CSDE1: variants seen among roughly 807,000 people sequenced by gnomAD.
CSDE1 encodes cold shock domain-containing protein E1.
In CSDE1, 17 loss-of-function variants were observed where a neutral mutation model predicts 89.3. That is an observed-to-expected ratio of 0.19 (90% CI 0.13 to 0.29). CSDE1 has a LOEUF of 0.29. Ranked by LOEUF, CSDE1 falls within the 10% of genes least tolerant of loss-of-function variation. The probability of loss-of-function intolerance (pLI) is 1.00; values close to 1 mark genes in which losing one functional copy is unlikely to be tolerated. For synonymous variants in CSDE1, 322 were observed against 332.8 expected (o/e 0.97, Z 0.35); for missense variants, 672 against 984.2 (o/e 0.68, Z 4.24).
chr1:114,754,253 A>C (rs532397695), intron 1 of CSDE1, among the ~76,000 whole-genome samples: 2 of 152,080 alleles, frequency 1.3e-5, no homozygotes, highest in Non-Finnish European at 2.9e-5. Context: ...TCAGCCCCCC[A>C]AAGTGCTGGG....
intron 3 of CSDE1, among the ~76,000 whole-genome samples, chr1:114,738,498 A>G (rs1019316016): frequency 3.9e-5 from 6 of 152,028 alleles, no homozygotes; most frequent in Admixed American, 6.6e-5. Flanking sequence ...TAAAAGGAGA[A>G]TAATTCCTAA....
chr1:114,734,945 G>A (rs183987698), intron 6 of CSDE1, among the ~76,000 whole-genome samples: 5 of 152,254 alleles, frequency 3.3e-5, no homozygotes, highest in South Asian at 4.2e-4. Context: ...TATAATCTGC[G>A]GCAAAGTAAG....
chr1:114,735,267 G>T (rs1451713771), intron 6 of CSDE1, among the ~76,000 whole-genome samples: 2 of 152,098 alleles, frequency 1.3e-5, no homozygotes, highest in Non-Finnish European at 2.9e-5. Flanking sequence ...AATGTTTTAA[G>T]AAAAGACCTA....
At chr1:114,730,853 C>G (rs1409713693) in intron 10 of CSDE1, among the ~76,000 whole-genome samples, 2 of 152,228 alleles carry the variant, frequency 1.3e-5, no homozygotes, top group East Asian at 3.8e-4. Context: ...CTAAGACTCT[C>G]CAATTGCTAC....
In CSDE1 at chr1:114,718,716, C is replaced by T. The variant is rs772339521; in HGVS notation, c.2246G>A (p.Arg749Gln). ...CEGPKAVAAP[R>Q]PDRLVNRLKN... ...CAAGCGATTGACCAACCGATCAGGT[C>T]GAGGAGCTGCAACAGCCTTGGGGCC... Residue 749 changes from arginine (R) to glutamine (Q), a missense_variant, in exon 19 of 20, where the codon CGA (arginine) becomes CAA (glutamine). Physicochemically the swap from Arg to Gln is conservative, Grantham distance 43 (BLOSUM62 1). Transcript: ENST00000358528. 1.9e-6 allele frequency: 3 copies of T among 1,614,008 alleles called. No homozygotes were observed. The highest frequency in any genetic ancestry group is 1.7e-6 in the Non-Finnish European group (2 of 1,180,022).
At chr1:114,726,464 A>C in intron 13 of CSDE1, 78 bp from the exon 14 acceptor site, 4 of 1,130,022 alleles carry the variant, frequency 3.5e-6, no homozygotes, top group East Asian at 2.6e-5. Flanking sequence ...AAGACCTATA[A>C]CTCCCCCAGC....
chr1:114,736,582 C>T (rs1383267967), intron 6 of CSDE1, among the ~76,000 whole-genome samples, 176 bp downstream of exon 6: 1 of 151,980 alleles, frequency 6.6e-6, no homozygotes. Context: ...CCTCTGAGAC[C>T]CTGCATCATG....
rs1040792142 is a variant in CSDE1 at position 114,732,624 on chromosome 1, T to A, written c.1030A>T (p.Thr344Ser). 1.9e-6 allele frequency: 3 copies of A among 1,614,068 alleles called. No homozygotes were observed. Among genetic ancestry groups the A allele is most frequent in the Non-Finnish European group, 2.5e-6 (3 of 1,180,014 alleles). ...IEVLSNTFQF[T>S]NEAREMGVIA... ...CTTACCATTTCTCGGGCTTCATTAG[T>A]GAACTGAAATGTATTTGACAGAACT... is the stretch of plus-strand genomic sequence containing the variant. Residue 344 changes from threonine to serine, a missense_variant, in exon 10 of 20, where the codon ACT becomes TCT. By Grantham distance (58) the Thr-to-Ser change is moderately conservative. Around this residue, in one of 8 missense-constraint regions of CSDE1, gnomAD observed 169 missense variants for 262.9 expected, o/e 0.64. Transcript: ENST00000358528.
At chr1:114,721,317 G>C (rs1384407548) in intron 16 of CSDE1, among the ~76,000 whole-genome samples, 1 of 152,110 alleles carries the variant, frequency 6.6e-6, no homozygotes, top group Non-Finnish European at 1.5e-5. Flanking sequence ...GTTGTAGTGA[G>C]AAAGCAACGA....
In CSDE1 at chr1:114,726,965, T is replaced by G. The variant is rs750794896; in HGVS notation, c.1464+18A>C. 7 of 1,530,530 alleles carry G rather than the reference T, an allele frequency of 4.6e-6. No individual in the cohort carries two copies. The South Asian group carries it at 7.9e-5, about 17-fold the overall frequency. The allele number at this position is 1,530,530 out of a possible 1,614,324, so 94.8% of individuals were successfully genotyped here. On this transcript the variant is annotated intron_variant, in intron 13 of 19. Coordinates refer to ENST00000358528, the MANE Select transcript of CSDE1 (RefSeq NM_001007553.3). The stretch of plus-strand genomic sequence containing the variant: ...TGACAACTCTTAACCCTCTCTCGAA[T>G]GAGCAGAATTATCTTGCCTTATCTC...
Position 114,718,597 on chromosome 1 carries a change from T to G in CSDE1, c.2349+16A>C. On this transcript the variant is annotated intron_variant, in intron 19 of 19. Transcript: ENST00000358528. The stretch of plus-strand genomic sequence containing the variant: ...TCTATCAGTTGGCCTCCCCCAAGCC[T>G]TGTATGCCCTCATACCATTGAGTTA... 1 of 1,611,630 alleles carries G rather than the reference T, an allele frequency of 6.2e-7. No homozygotes were observed. Among genetic ancestry groups the G allele is most frequent in the Non-Finnish European group, 8.5e-7 (1 of 1,178,986 alleles).
chr1:114,724,343 G>A (rs982014264), intron 15 of CSDE1: 1 of 218,828 alleles, frequency 4.6e-6, no homozygotes, highest in African/African-American at 2.4e-5. Context: ...TCTCTAAAAT[G>A]TAAATCACAA....
chr1:114,733,815 T>C lies in CSDE1; in HGVS notation c.754A>G (p.Thr252Ala). Residue 252 changes from threonine (T) to alanine (A), a missense_variant, in exon 9 of 20, where the codon ACA becomes GCA. Thr to Ala is a moderately conservative substitution (Grantham distance 58). Transcript: ENST00000358528. ...ATGCTGATATCTTCAAAAATGACTG[T>C]TCCTTGAGGCAATAGTCTGACATCT... ...ATDVRLLPQGTVIFEDISIEH... is the reference protein window; with the variant it reads ...ATDVRLLPQGAVIFEDISIEH... The C allele has an allele frequency of 6.2e-7, 1 of 1,614,028 alleles. No homozygotes were observed. The highest frequency in any genetic ancestry group is 8.5e-7 in the Non-Finnish European group (1 of 1,179,958).
intron 2 of CSDE1, among the ~76,000 whole-genome samples, chr1:114,744,566 TCAAAACAAAAAC>T (rs1410287372): frequency 1.3e-5 from 2 of 151,928 alleles, no homozygotes; most frequent in African/African-American, 4.8e-5. Flanking sequence ...AGACCCTGTC[TCAAAACAAAAAC>T]AAAAACAAAA....
intron 13 of CSDE1, 94 bp downstream of exon 13, chr1:114,726,889 C>A: frequency 1.3e-6 from 1 of 756,610 alleles, no homozygotes; most frequent in Non-Finnish European, 2.2e-6. Context: ...TATATTTCAG[C>A]AAAACTTGAT....
At chr1:114,745,059 C>T (rs991307475) in intron 2 of CSDE1, among the ~76,000 whole-genome samples, 7 of 151,978 alleles carry the variant, frequency 4.6e-5, no homozygotes, top group Non-Finnish European at 8.8e-5. Flanking sequence ...TTAATACTTT[C>T]ATATACCAAA....
At chr1:114,740,543 A>G (rs76121445) in intron 2 of CSDE1, among the ~76,000 whole-genome samples, 7,446 of 152,306 alleles carry the variant, frequency 0.049, 228 homozygotes, top group Middle Eastern at 0.075. Flanking sequence ...ATGCTGAATC[A>G]TTTCACAGGT....
At chr1:114,741,192 T>C (rs1412865376) in intron 2 of CSDE1, among the ~76,000 whole-genome samples, 3 of 152,176 alleles carry the variant, frequency 2.0e-5, no homozygotes, top group East Asian at 1.9e-4. Flanking sequence ...CAAAGTCAAA[T>C]AGTAGAAGAT....
At chr1:114,757,635 C>T (rs1478898750) in intron 1 of CSDE1, among the ~76,000 whole-genome samples, 1 of 152,114 alleles carries the variant, frequency 6.6e-6, no homozygotes, top group Non-Finnish European at 1.5e-5. Context: ...CTGTCGGAGC[C>T]TCCATTTTCG....
Sources: allele counts gnomAD v4.1 joint callset (sites outside exome capture counted in the v4.1 genomes callset), GRCh38; gene constraint gnomAD v4.1.1; regional missense constraint gnomAD v4.1.1; transcripts MANE v1.5; gene names NCBI Gene and HGNC (gene_info 2026-07-23, HGNC 2026-07-21).